ZNF462: variants seen among roughly 807,000 people sequenced by gnomAD.
The protein encoded by ZNF462 is zinc finger protein 462.
In ZNF462, 10 loss-of-function variants were observed where a neutral mutation model predicts 201.9. The observed-to-expected ratio is 0.05, with a 90% CI of 0.03 to 0.08. The LOEUF (loss-of-function observed/expected upper bound fraction) is 0.08, where lower values mean the gene tolerates loss of function less well. ZNF462 is among the 10% of genes least tolerant of loss of function. The pLI, the probability that ZNF462 is intolerant of heterozygous loss-of-function variation, is 1.00. For synonymous variants in ZNF462, 1,227 were observed against 1,193.3 expected (o/e 1.03, Z -0.58); for missense variants, 2,523 against 3,168.3 (o/e 0.80, Z 4.89).
chr9:106,914,785 G>C (rs1195306980), intron 1 of ZNF462, among the ~76,000 whole-genome samples: 2 of 152,160 alleles, frequency 1.3e-5, no homozygotes, highest in Non-Finnish European at 1.5e-5. Flanking sequence ...GAGAGAAACT[G>C]TGTGTGGGTT....
Position 106,919,237 on chromosome 9 carries a change from T to C in ZNF462, c.-30-4117T>C, listed in dbSNP as rs1349963400. On this transcript the variant is annotated intron_variant, in intron 1 of 12. Transcript: ENST00000277225. The surrounding 1 kb of genome is among the most constrained non-coding windows in gnomAD (Gnocchi z 4.5). ...AAGAGCAGTGTTTGCCAAGCTGACC[T>C]GGACCAAGTGATGGTGGCGGGCCTG... 2.0e-5 allele frequency among the ~76,000 whole-genome samples: 3 copies of C among 152,310 alleles called. 1 individual carries two copies. In the South Asian group the frequency reaches 6.2e-4, roughly 32 times the overall value.
chr9:106,871,258 T>C (rs1359299221), intron 1 of ZNF462, among the ~76,000 whole-genome samples: 4 of 152,210 alleles, frequency 2.6e-5, no homozygotes, highest in African/African-American at 9.6e-5. Flanking sequence ...GCTGCTATCA[T>C]GGTAGGGAAG....
intron 1 of ZNF462, among the ~76,000 whole-genome samples, chr9:106,878,034 A>G (rs749673990): frequency 2.0e-5 from 3 of 152,212 alleles, no homozygotes; most frequent in Admixed American, 6.5e-5. Context: ...TGGGAATGCT[A>G]CTGTCACATG....
In ZNF462 at chr9:107,013,090, CAAAAAACAAACA is replaced by C. The variant is rs1830014842; in HGVS notation, c.*2067_*2078del. 1 of 128,760 alleles carries C rather than the reference CAAAAAACAAACA, an allele frequency of 7.8e-6. No homozygotes were observed. Among genetic ancestry groups the C allele is most frequent in the Non-Finnish European group, 1.7e-5 (1 of 58,582 alleles). 8.0% of individuals were successfully genotyped at this position (128,760 alleles called of 1,614,324 possible). On this transcript the variant is annotated 3_prime_UTR_variant, in exon 13 of 13. Coordinates refer to ENST00000277225, the MANE Select transcript of ZNF462 (RefSeq NM_021224.6). ...TGGATTGGGTGTTTGTAATGGTTACCAAAAAACAAACAAAAAAAGAAAGAAAAAGGAAAAAAA... is the reference window on the plus strand; with the variant it reads ...TGGATTGGGTGTTTGTAATGGTTACCAAAAAAGAAAGAAAAAGGAAAAAAA...
chr9:106,958,779 G>A (rs999988630), intron 7 of ZNF462, among the ~76,000 whole-genome samples: 3 of 152,058 alleles, frequency 2.0e-5, no homozygotes, highest in Non-Finnish European at 4.4e-5. Flanking sequence ...TGTAGATGAC[G>A]TGGCAAGAAG....
rs769296672 is a variant in ZNF462, at chr9:106,925,463, G to C, written c.1551G>C (p.Val517=). Residue 517 remains valine, a synonymous_variant, in exon 3 of 13, where the codon GTG becomes GTC. Transcript: ENST00000277225. The surrounding 1 kb of genome is among the most constrained non-coding windows in gnomAD (Gnocchi z 7.9). ...ESISSSLNEG[V]VSYESSSING... ...TTTCTTCCTCACTGAATGAAGGTGT[G>C]GTGTCTTATGAGAGCTCAAGCATCA... The C allele has an allele frequency of 1.2e-6, 2 of 1,614,122 alleles. No homozygotes were observed. Among genetic ancestry groups the C allele is most frequent in the East Asian group, 4.5e-5 (2 of 44,878 alleles).
chr9:106,960,590 A>G (rs973929945), intron 7 of ZNF462, among the ~76,000 whole-genome samples: 1 of 152,148 alleles, frequency 6.6e-6, no homozygotes, highest in Non-Finnish European at 1.5e-5. Context: ...CAGGTGAATT[A>G]TGCATTCGGT....
chr9:106,942,740 T>C (rs1221020956), intron 7 of ZNF462, among the ~76,000 whole-genome samples: 1 of 152,024 alleles, frequency 6.6e-6, no homozygotes, highest in African/African-American at 2.4e-5. Flanking sequence ...ACAAAGAAAC[T>C]AGGACAGCGT....
intron 1 of ZNF462, among the ~76,000 whole-genome samples, chr9:106,914,399 G>C (rs927322704): frequency 6.6e-6 from 1 of 152,130 alleles, no homozygotes; most frequent in African/African-American, 2.4e-5. Context: ...ACAGATGCTG[G>C]GTATGATAAC....
Position 106,984,132 on chromosome 9 carries a change from T to G in ZNF462, c.6833-54T>G. 1 of 1,516,542 alleles carries G rather than the reference T, an allele frequency of 6.6e-7. No individual in the cohort carries two copies. The highest frequency in any genetic ancestry group is 9.0e-7 in the Non-Finnish European group (1 of 1,109,210). The allele number at this position is 1,516,542 out of a possible 1,614,324, so 93.9% of individuals were successfully genotyped here. On this transcript the variant is annotated intron_variant, in intron 9 of 12. Coordinates refer to ENST00000277225, the MANE Select transcript of ZNF462 (RefSeq NM_021224.6). This position sits in a 1 kb window ranked among gnomAD's most constrained non-coding sequence, Gnocchi z 6.4. ...CTTCTTGTATTCCAAAGAAAGAACT[T>G]CTGTTTTGCCATCAGTAAAAATTCC...
intron 7 of ZNF462, among the ~76,000 whole-genome samples, chr9:106,955,413 A>T (rs1407987319): frequency 6.6e-6 from 1 of 152,214 alleles, no homozygotes; most frequent in Non-Finnish European, 1.5e-5. Context: ...AAAAATGCTA[A>T]TGATTATCTG....
Position 106,950,924 on chromosome 9 carries a change from T to G in ZNF462, c.6427+11817T>G, listed in dbSNP as rs991283644. On this transcript the variant is annotated intron_variant, in intron 7 of 12. Coordinates refer to ENST00000277225, the MANE Select transcript of ZNF462 (RefSeq NM_021224.6). The surrounding 1 kb of genome is among the most constrained non-coding windows in gnomAD (Gnocchi z 4.1). ...GGCCAACATAGTGAAACCCCATCTC[T>G]ACTAAAAATACAAAAATTAGCCAGG... 8.6e-5 allele frequency among the ~76,000 whole-genome samples: 13 copies of G among 151,938 alleles called. No individual in the cohort carries two copies. Among genetic ancestry groups the G allele is most frequent in the African/African-American group, 3.1e-4 (13 of 41,348 alleles).
chr9:106,988,106 C>G (rs1827991384), intron 10 of ZNF462, among the ~76,000 whole-genome samples: 1 of 152,000 alleles, frequency 6.6e-6, no homozygotes, highest in Admixed American at 6.6e-5. Context: ...TTGTAGTAGT[C>G]TGTTTTCACA....
intron 1 of ZNF462, among the ~76,000 whole-genome samples, chr9:106,869,620 T>C (rs1827501097): frequency 6.6e-6 from 1 of 152,202 alleles, no homozygotes; most frequent in Non-Finnish European, 1.5e-5. Context: ...AGAAACACAG[T>C]TAACGCTGTA....
At chr9:106,997,376 A>T (rs1175643663) in intron 10 of ZNF462, among the ~76,000 whole-genome samples, 1 of 152,156 alleles carries the variant, frequency 6.6e-6, no homozygotes, top group Admixed American at 6.6e-5. Context: ...CTGCACTCCC[A>T]TGTTCCCTGC....
upstream of ZNF462, among the ~76,000 whole-genome samples, chr9:106,860,326 G>T (rs1157617374): frequency 1.3e-5 from 2 of 152,198 alleles, no homozygotes; most frequent in African/African-American, 4.8e-5. The surrounding 1 kb of genome is among the most constrained non-coding windows in gnomAD (Gnocchi z 7.1). Context: ...GGTTTACGAG[G>T]TCTGAGGCGT....
intron 1 of ZNF462, among the ~76,000 whole-genome samples, chr9:106,881,939 AACTC>A (rs1828116214): frequency 6.6e-6 from 1 of 152,204 alleles, no homozygotes; most frequent in African/African-American, 2.4e-5. Flanking sequence ...CTACACGACT[AACTC>A]CTCTATAGTA....
chr9:106,999,434 G>T (rs1829008467), intron 10 of ZNF462, among the ~76,000 whole-genome samples: 1 of 152,042 alleles, frequency 6.6e-6, no homozygotes, highest in South Asian at 2.1e-4. Flanking sequence ...ATACAATAAG[G>T]TTTATTACTT....
intron 10 of ZNF462, among the ~76,000 whole-genome samples, chr9:106,988,001 A>G (rs1013239368): frequency 8.5e-5 from 13 of 152,126 alleles, no homozygotes; most frequent in African/African-American, 2.9e-4. Context: ...TGGGTTCTCT[A>G]TTCTGTTCCA....
Sources: allele counts gnomAD v4.1 joint callset (sites outside exome capture counted in the v4.1 genomes callset), GRCh38; gene constraint gnomAD v4.1.1; non-coding constraint Gnocchi (gnomAD v3.1); transcripts MANE v1.5; gene names NCBI Gene and HGNC (gene_info 2026-07-23, HGNC 2026-07-21).